The following GPR143 variants were observed in gnomAD, a reference collection of about 807,000 sequenced individuals.
GPR143 encodes G-protein coupled receptor 143.
GPR143 carries 8 observed loss-of-function variants against 27.6 expected under a neutral mutation model. The ratio of observed to expected loss-of-function variants is 0.29; its 90% CI spans 0.17 to 0.52. The LOEUF (loss-of-function observed/expected upper bound fraction) is 0.52. Ranked by LOEUF, GPR143 falls within the 20% of genes least tolerant of loss-of-function variation. The pLI is 0.96. For synonymous variants in GPR143, 156 were observed against 153.2 expected (o/e 1.02, Z -0.13); for missense variants, 303 against 343.1 (o/e 0.88, Z 0.92).
At chrX:9,751,925 G>A (rs1407556843) in intron 3 of GPR143, among the ~76,000 whole-genome samples, 5 of 112,898 alleles carry the variant, frequency 4.4e-5, no homozygotes, top group African/African-American at 1.6e-4. Flanking sequence ...ACCATCTTGA[G>A]AGGATGACAT....
intron 8 of GPR143, among the ~76,000 whole-genome samples, chrX:9,731,737 A>G (rs2083354422): frequency 9.6e-6 from 1 of 103,703 alleles, no homozygotes; most frequent in Non-Finnish European, 2.0e-5. Flanking sequence ...GATTTGTGAG[A>G]GAGAACAGAG....
chrX:9,777,953 T>A (rs1452600798), intron 1 of GPR143, among the ~76,000 whole-genome samples: 1 of 110,278 alleles, frequency 9.1e-6, no homozygotes, highest in East Asian at 2.8e-4. Flanking sequence ...TAGCTGGGTG[T>A]GGTGGTGGGC....
upstream of GPR143, chrX:9,766,209 G>C (rs533808016): frequency 8.3e-6 from 1 of 120,358 alleles, no homozygotes; most frequent in Non-Finnish European, 1.7e-5. Flanking sequence ...TAGAGAAACA[G>C]GCCTCGTGGA....
chrX:9,748,494 C>T (rs1423017237), intron 4 of GPR143, 80 bp downstream of exon 4: 14 of 660,612 alleles, frequency 2.1e-5, no homozygotes, highest in African/African-American at 4.3e-5. Context: ...CTCTGTGGGT[C>T]GGGGCTCATG....
At chrX:9,725,999 A>T in intron 8 of GPR143, 159 bp from the exon 9 acceptor site, 1 of 725,552 alleles carries the variant, frequency 1.4e-6, no homozygotes, top group South Asian at 7.0e-5. Flanking sequence ...AAAAAAAAAA[A>T]AAAAAAGGTG....
upstream of GPR143, among the ~76,000 whole-genome samples, chrX:9,770,323 A>AAGAGAG (rs201287124): frequency 0.05 from 4,450 of 88,905 alleles, 145 homozygotes; most frequent in African/African-American, 0.063. Context: ...AAGAAAGAAA[A>AAGAGAG]AGAGAGAGAG....
chrX:9,761,651 TCA>T (rs1305402435), intron 1 of GPR143, among the ~76,000 whole-genome samples: 1 of 112,647 alleles, frequency 8.9e-6, no homozygotes, highest in East Asian at 2.7e-4. Context: ...TTTAAAATTT[TCA>T]CAAATTAATT....
At chrX:9,749,244 C>T (rs1265851604) in intron 3 of GPR143, among the ~76,000 whole-genome samples, 3 of 105,902 alleles carry the variant, frequency 2.8e-5, no homozygotes, top group African/African-American at 6.9e-5. Context: ...CAACCCCCTC[C>T]GGCCCCCAAT....
In GPR143 at chrX:9,764,135, C is replaced by T. The variant is rs112722527; in HGVS notation, c.250+1433G>A. 7.4e-3 allele frequency among the ~76,000 whole-genome samples: 818 copies of T among 110,760 alleles called. 7 individuals carry two copies. The highest frequency in any genetic ancestry group is 0.024 in the African/African-American group (744 of 30,456). On this transcript the variant is annotated intron_variant, in intron 1 of 8. Coordinates refer to ENST00000467482, the MANE Select transcript of GPR143 (RefSeq NM_000273.3). ...GCCTGGGCAACATAGTGAGACCCCACATATATTTACCCTAGCATGGTGGCG... is the reference window on the plus strand; with the variant it reads ...GCCTGGGCAACATAGTGAGACCCCATATATATTTACCCTAGCATGGTGGCG...
intron 8 of GPR143, among the ~76,000 whole-genome samples, chrX:9,734,754 C>T (rs1033789963): frequency 2.7e-5 from 3 of 111,992 alleles, no homozygotes; most frequent in African/African-American, 6.5e-5. Flanking sequence ...TCTGCCCCTT[C>T]GCTCTCACCA....
intron 1 of GPR143, 97 bp from the exon 2 acceptor site, chrX:9,760,923 A>T: frequency 2.1e-6 from 1 of 481,540 alleles, no homozygotes; most frequent in Non-Finnish European, 3.8e-6. Flanking sequence ...ATAGATAGAG[A>T]TAGGAAGAGA....
In GPR143 at chrX:9,759,571, T is replaced by C; in HGVS notation, c.361-145A>G. 7.9e-6 allele frequency: 4 copies of C among 509,202 alleles called. No individual in the cohort carries two copies. In the South Asian group the frequency reaches 1.0e-4, roughly 13 times the overall value. The allele number at this position is 509,202 out of a possible 1,213,427, so 42.0% of individuals were successfully genotyped here. Reference sequence around the variant, plus strand: ...GCTCTCGGGACACAAGTGGGCACAGTTCCTGGGACCAAGGAGGGTGTGGCC... The same window carrying C: ...GCTCTCGGGACACAAGTGGGCACAGCTCCTGGGACCAAGGAGGGTGTGGCC... On this transcript the variant is annotated intron_variant, in intron 2 of 8. Coordinates refer to ENST00000467482, the MANE Select transcript of GPR143 (RefSeq NM_000273.3).
intron 3 of GPR143, among the ~76,000 whole-genome samples, chrX:9,754,055 C>A (rs1413380638): frequency 1.8e-5 from 2 of 111,349 alleles, no homozygotes; most frequent in Non-Finnish European, 3.8e-5. Context: ...TTGGGTTTGC[C>A]TCTCCTGTCT....
At chrX:9,753,987 G>A (rs951374939) in intron 3 of GPR143, among the ~76,000 whole-genome samples, 3 of 111,770 alleles carry the variant, frequency 2.7e-5, no homozygotes, top group African/African-American at 9.7e-5. Flanking sequence ...CAGCCTTCCA[G>A]ATGCCGCAGG....
intron 3 of GPR143, among the ~76,000 whole-genome samples, chrX:9,756,039 G>A (rs1406149633): frequency 8.9e-6 from 1 of 111,775 alleles, no homozygotes; most frequent in Non-Finnish European, 1.9e-5. Flanking sequence ...AGGCCAGAGA[G>A]ACCAAAGTTG....
chrX:9,777,550 CATCT>C lies in GPR143; in HGVS notation c.-3+8688_-3+8691del, dbSNP rs1314634945. Among the ~76,000 whole-genome samples the C allele has an allele frequency of 3.6e-5, 4 of 111,185 alleles. No homozygotes were observed. The East Asian group carries it at 1.1e-3, about 32-fold the overall frequency. ...AGAGCAGGGATTGGTAAATTATGTC[CATCT>C]GTTTCTCTAAATAAAGTTTTATTGA... On this transcript the variant is annotated intron_variant, in intron 1 of 7. Coordinates refer to the GPR143 transcript ENST00000447366.
At chrX:9,728,804 T>G (rs2083341210) in intron 8 of GPR143, among the ~76,000 whole-genome samples, 1 of 101,434 alleles carries the variant, frequency 9.9e-6, no homozygotes, top group South Asian at 4.3e-4. Context: ...CAGAGTGAGA[T>G]CCCACCTCAA....
intron 8 of GPR143, among the ~76,000 whole-genome samples, chrX:9,734,321 G>A (rs979578750): frequency 9.0e-6 from 1 of 110,587 alleles, no homozygotes; most frequent in African/African-American, 3.3e-5. Flanking sequence ...GAAAATACAG[G>A]GTATTGTGGG....
At chrX:9,727,423 T>C (rs778968497) in intron 8 of GPR143, among the ~76,000 whole-genome samples, 1 of 113,018 alleles carries the variant, frequency 8.8e-6, no homozygotes, top group South Asian at 3.6e-4. Context: ...GGACAAGAAC[T>C]TGAGAACTGG....
Sources: allele counts gnomAD v4.1 joint callset (sites outside exome capture counted in the v4.1 genomes callset), GRCh38; gene constraint gnomAD v4.1.1; transcripts MANE v1.5; gene names NCBI Gene and HGNC (gene_info 2026-07-23, HGNC 2026-07-21).